SLC44A5: variants seen among roughly 807,000 people sequenced by gnomAD.
SLC44A5 encodes the protein solute carrier family 44 member 5, also known as choline transporter-like protein 5.
SLC44A5 carries 57 observed loss-of-function variants against 101.8 expected under a neutral mutation model. That is an observed-to-expected ratio of 0.56 (90% CI 0.45 to 0.70). SLC44A5 has a LOEUF of 0.70. SLC44A5 is among the 30% of genes least tolerant of loss of function. SLC44A5 has a pLI of 0.00. For synonymous variants in SLC44A5, 281 were observed against 290.9 expected, an observed-to-expected ratio of 0.97 and a Z score of 0.35; for missense variants, 737 against 853.1, an observed-to-expected ratio of 0.86 and a Z score of 1.70.
chr1:75,526,309 G>C (rs755106056), intron 2 of SLC44A5, among the ~76,000 whole-genome samples: 4 of 152,148 alleles, frequency 2.6e-5, no homozygotes, highest in South Asian at 2.1e-4. Context: ...TCCTTCTAGT[G>C]GCAAAAACAG....
rs566621450 is a variant in SLC44A5, at chr1:75,474,318, A to G, written c.13+67117T>C. On this transcript the variant is annotated intron_variant, in intron 2 of 23. Transcript: ENST00000370859. ...TAGATTCATTCTGTTTTATTATTAA[A>G]TAAAGTCATTTAACACTGCATACTA... Among the ~76,000 whole-genome samples the G allele has an allele frequency of 2.6e-5, 4 of 152,306 alleles. No homozygotes were observed. In the East Asian group the frequency reaches 5.8e-4, roughly 22 times the overall value.
chr1:75,277,499 C>T (rs1216573013), intron 5 of SLC44A5, among the ~76,000 whole-genome samples: 2 of 152,046 alleles, frequency 1.3e-5, no homozygotes, highest in East Asian at 3.9e-4. Context: ...GTTTTAACCA[C>T]CAAACTAGAA....
intron 2 of SLC44A5, among the ~76,000 whole-genome samples, chr1:75,501,208 A>G (rs1570460639): frequency 6.6e-6 from 1 of 152,154 alleles, no homozygotes; most frequent in Non-Finnish European, 1.5e-5. Flanking sequence ...TAAAGGCATA[A>G]TACAAGTACA....
At chr1:75,268,985 G>A (rs1223581414) in intron 6 of SLC44A5, among the ~76,000 whole-genome samples, 3 of 151,902 alleles carry the variant, frequency 2.0e-5, no homozygotes, top group Non-Finnish European at 4.4e-5. Flanking sequence ...GAAAACTGCT[G>A]AATCAAAAAG....
At chr1:75,570,817 T>A (rs575750977) in intron 1 of SLC44A5, among the ~76,000 whole-genome samples, 2 of 152,240 alleles carry the variant, frequency 1.3e-5, no homozygotes, top group African/African-American at 4.8e-5. Flanking sequence ...TCTTCTCTGA[T>A]CATACTAGAA....
intron 7 of SLC44A5, among the ~76,000 whole-genome samples, chr1:75,248,755 TC>T (rs1469236890): frequency 1.3e-5 from 2 of 152,106 alleles, no homozygotes; most frequent in African/African-American, 4.8e-5. Context: ...TATGTTTTTC[TC>T]CAAGAACACA....
At position 75,238,569 on chromosome 1, in the gene SLC44A5, C is replaced by T. The variant is rs781575118; in HGVS notation, c.600G>A (p.Met200Ile). 3 of 1,598,806 alleles carry T rather than the reference C, an allele frequency of 1.9e-6. No individual in the cohort carries two copies. Among genetic ancestry groups the T allele is most frequent in the South Asian group, 1.1e-5 (1 of 88,984 alleles). ...TTGTCCCTCCATTTCCATCTTGAAA[C>T]ATCATCTTACTTCCTATTGTTAAAG... ...NGTLTIGSKM[M>I]FQDGNGGTRS... The change falls in exon 10 of 24, where the codon ATG (methionine) becomes ATA (isoleucine). Residue 200 changes from methionine to isoleucine, a missense_variant. Coordinates refer to ENST00000370859, the MANE Select transcript of SLC44A5 (RefSeq NM_001130058.2).
At chr1:75,414,502 C>A (rs1355115702) in intron 2 of SLC44A5, among the ~76,000 whole-genome samples, 7 of 152,120 alleles carry the variant, frequency 4.6e-5, no homozygotes, top group Non-Finnish European at 1.0e-4. Flanking sequence ...GAGACATAGG[C>A]TCTGCTCTCA....
chr1:75,220,744 G>A (rs1364049144), intron 14 of SLC44A5, among the ~76,000 whole-genome samples: 2 of 151,870 alleles, frequency 1.3e-5, no homozygotes, highest in Non-Finnish European at 2.9e-5. Flanking sequence ...GTTTCATATG[G>A]CCATTGAGAA....
intron 5 of SLC44A5, among the ~76,000 whole-genome samples, chr1:75,284,643 G>A (rs746094498): frequency 5.3e-5 from 8 of 151,984 alleles, no homozygotes; most frequent in South Asian, 4.1e-4. Context: ...TTGGCTGTGC[G>A]TTTTTCATAA....
intron 2 of SLC44A5, among the ~76,000 whole-genome samples, chr1:75,465,147 C>T (rs1167846310): frequency 2.0e-5 from 3 of 152,084 alleles, no homozygotes; most frequent in Non-Finnish European, 4.4e-5. Flanking sequence ...GGTCACAAAA[C>T]TAGTCTTAAA....
intron 1 of SLC44A5, among the ~76,000 whole-genome samples, chr1:75,580,408 T>A (rs1271099642): frequency 6.6e-6 from 1 of 152,184 alleles, no homozygotes; most frequent in African/African-American, 2.4e-5. Context: ...TCTTATGTTG[T>A]CTCAACCACA....
At chr1:75,373,042 T>C (rs1660333064) in intron 3 of SLC44A5, among the ~76,000 whole-genome samples, 1 of 152,290 alleles carries the variant, frequency 6.6e-6, no homozygotes. Context: ...TAAATCTGAA[T>C]ATTGGTATTT....
At chr1:75,255,456 C>A (rs2100664262) in intron 6 of SLC44A5, among the ~76,000 whole-genome samples, 2 of 143,164 alleles carry the variant, frequency 1.4e-5, no homozygotes, top group African/African-American at 2.6e-5. Context: ...AAAAAAAAAT[C>A]AAAAGAAGAG....
intron 1 of SLC44A5, among the ~76,000 whole-genome samples, chr1:75,606,107 T>A (rs1013003921): frequency 7.9e-5 from 12 of 151,950 alleles, no homozygotes; most frequent in East Asian, 1.9e-4. Context: ...TTTTTTTTTT[T>A]AATTTTTCTT....
upstream of SLC44A5, chr1:75,615,766 C>G (rs1026152564): frequency 3.7e-5 from 30 of 813,804 alleles, no homozygotes; most frequent in African/African-American, 4.8e-4. Context: ...TCCACTTGGC[C>G]GCGCCTGGAT....
chr1:75,471,104 T>G lies in SLC44A5; in HGVS notation c.13+70331A>C, dbSNP rs554020462. ...ATTCCCTGGACTTGGAAAGTTAGTA[T>G]TTTCTCAGTGATTCGTTGAAGATCT... On this transcript the variant is annotated intron_variant, in intron 2 of 23. Coordinates refer to ENST00000370859, the MANE Select transcript of SLC44A5 (RefSeq NM_001130058.2). 2.6e-5 allele frequency among the ~76,000 whole-genome samples: 4 copies of G among 152,312 alleles called. No individual in the cohort carries two copies. The East Asian group carries it at 5.8e-4, about 22-fold the overall frequency.
chr1:75,270,741 A>G (rs1312151003), intron 6 of SLC44A5, among the ~76,000 whole-genome samples: 1 of 152,116 alleles, frequency 6.6e-6, no homozygotes, highest in African/African-American at 2.4e-5. Flanking sequence ...ACTATCATTC[A>G]CATATTGTTG....
At chr1:75,226,912 AT>A (rs1210529671) in intron 13 of SLC44A5, among the ~76,000 whole-genome samples, 30 of 152,334 alleles carry the variant, frequency 2.0e-4, no homozygotes, top group African/African-American at 6.7e-4. Context: ...ATATTAAAAA[AT>A]ATCCTTAAGA....
Sources: allele counts gnomAD v4.1 joint callset (sites outside exome capture counted in the v4.1 genomes callset), GRCh38; gene constraint gnomAD v4.1.1; transcripts MANE v1.5; gene names NCBI Gene and HGNC (gene_info 2026-07-23, HGNC 2026-07-21).